INVS: variants seen among roughly 807,000 people sequenced by gnomAD.
The protein encoded by INVS is inversion of embryo turning homolog.
Under a neutral mutation model 108.8 loss-of-function variants are expected in INVS, and 86 were observed. That is an observed-to-expected ratio of 0.79 (90% CI 0.66 to 0.95). INVS has a LOEUF of 0.95. Ranked by LOEUF, INVS falls within the 40% of genes least tolerant of loss-of-function variation. The pLI, the probability that INVS is intolerant of heterozygous loss-of-function variation, is 0.00. For synonymous variants in INVS, 455 were observed against 473.5 expected (o/e 0.96, Z 0.51); for missense variants, 1,169 against 1,297.4 (o/e 0.90, Z 1.52).
chr9:100,227,612 A>G (rs1315139373), intron 4 of INVS, among the ~76,000 whole-genome samples: 7 of 152,052 alleles, frequency 4.6e-5, no homozygotes, highest in Non-Finnish European at 8.8e-5. Flanking sequence ...ATCAAAATGG[A>G]GTTGTTTCTG....
intron 12 of INVS, among the ~76,000 whole-genome samples, chr9:100,275,346 T>C (rs542923534): frequency 1.4e-4 from 22 of 152,360 alleles, no homozygotes; most frequent in South Asian, 1.0e-3. Context: ...TGTGACAATC[T>C]ATTTTCAAAA....
At chr9:100,202,271 A>G (rs1315573412) in intron 3 of INVS, among the ~76,000 whole-genome samples, 1 of 152,146 alleles carries the variant, frequency 6.6e-6, no homozygotes, top group East Asian at 1.9e-4. Context: ...TGCCTAAAAT[A>G]CCTAAATGGC....
At chr9:100,114,779 C>G (rs1358905726) in intron 2 of INVS, among the ~76,000 whole-genome samples, 1 of 152,130 alleles carries the variant, frequency 6.6e-6, no homozygotes, top group East Asian at 1.9e-4. Context: ...TAGTTCATTC[C>G]TTTTTATTAG....
chr9:100,118,137 C>T (rs923390025), intron 2 of INVS, among the ~76,000 whole-genome samples: 19 of 150,928 alleles, frequency 1.3e-4, no homozygotes, highest in East Asian at 1.9e-4. Context: ...CCTGGCCTCA[C>T]GTGATCCTCC....
At chr9:100,267,394 T>C (rs929040057) in intron 11 of INVS, among the ~76,000 whole-genome samples, 3 of 152,258 alleles carry the variant, frequency 2.0e-5, no homozygotes, top group Admixed American at 1.3e-4. Flanking sequence ...ATGTCAGAAC[T>C]TGGCACTGCC....
chr9:100,134,141 C>T (rs1828146720), intron 3 of INVS, among the ~76,000 whole-genome samples: 1 of 152,066 alleles, frequency 6.6e-6, no homozygotes, highest in South Asian at 2.1e-4. Flanking sequence ...ATTCTTAGGC[C>T]TTTGCATCCT....
intron 3 of INVS, among the ~76,000 whole-genome samples, chr9:100,224,155 G>A (rs774302442): frequency 3.9e-5 from 6 of 152,190 alleles, no homozygotes; most frequent in South Asian, 2.1e-4. Flanking sequence ...CAGGTGCCGC[G>A]GTGTGGACAA....
chr9:100,192,158 C>T (rs1830240807), intron 3 of INVS, among the ~76,000 whole-genome samples: 2 of 151,914 alleles, frequency 1.3e-5, no homozygotes, highest in African/African-American at 4.8e-5. Context: ...AACAAAAGTT[C>T]ACAGTATGAC....
intron 3 of INVS, among the ~76,000 whole-genome samples, chr9:100,197,931 C>CAG (rs1320510418): frequency 3.3e-5 from 5 of 151,838 alleles, no homozygotes; most frequent in Admixed American, 1.3e-4. Flanking sequence ...AGCAGAAGGT[C>CAG]AGAGAGAGAG....
At chr9:100,222,717 T>A (rs1831190550) in intron 3 of INVS, among the ~76,000 whole-genome samples, 1 of 152,124 alleles carries the variant, frequency 6.6e-6, no homozygotes. Flanking sequence ...TCTTTAAAGG[T>A]CATGATGAAT....
intron 3 of INVS, among the ~76,000 whole-genome samples, chr9:100,161,094 G>A (rs1017979528): frequency 6.6e-6 from 1 of 151,774 alleles, no homozygotes; most frequent in Non-Finnish European, 1.5e-5. Flanking sequence ...AATTGGCTGG[G>A]CATGGTGTAA....
intron 13 of INVS, among the ~76,000 whole-genome samples, chr9:100,289,372 C>A (rs542674066): frequency 1.3e-5 from 2 of 152,308 alleles, no homozygotes; most frequent in Admixed American, 6.5e-5. Flanking sequence ...AAAGTCAATA[C>A]CCTGGGTTTT....
rs544123834 is a variant in INVS at position 100,140,673 on chromosome 9, C to T, written c.273+14124C>T. On this transcript the variant is annotated intron_variant, in intron 3 of 16. Coordinates refer to ENST00000262457, the MANE Select transcript of INVS (RefSeq NM_014425.5). The stretch of plus-strand genomic sequence containing the variant: ...ACAGCGAAAATTTTGGGGGATGGTA[C>T]GGAGAGATAATGGGCGATGTTTCTT... 1.2e-4 allele frequency among the ~76,000 whole-genome samples: 18 copies of T among 151,914 alleles called. No individual in the cohort carries two copies. The East Asian group carries it at 3.1e-3, about 26-fold the overall frequency.
chr9:100,214,180 C>T lies in INVS; in HGVS notation c.274-11882C>T, dbSNP rs541230929. ...CCCTCAGTATCTTGGACTAAATCAA[C>T]TGTGAATAAGCCCCAGAGGAGAAAG... On this transcript the variant is annotated intron_variant, in intron 3 of 16. Transcript: ENST00000262457. Among the ~76,000 whole-genome samples, 4 of 152,288 alleles carry T rather than the reference C, an allele frequency of 2.6e-5. No homozygotes were observed. In the South Asian group the frequency reaches 8.3e-4, roughly 32 times the overall value.
Position 100,292,871 on chromosome 9 carries a change from C to A in INVS, c.2614C>A (p.Gln872Lys). 2 of 1,614,142 alleles carry A rather than the reference C, an allele frequency of 1.2e-6. No individual in the cohort carries two copies. Among genetic ancestry groups the A allele is most frequent in the Non-Finnish European group, 1.7e-6 (2 of 1,180,022 alleles). ...LETSTLSEDF[Q>K]VSKETDPAPG... is the part of the protein sequence containing the mutation. ...GACATCTACCCTGTCCGAGGACTTT[C>A]AGGTATCTAAGGAGACTGATCCAGC... The change falls in exon 14 of 17, where the codon CAG (glutamine) becomes AAG (lysine). Residue 872 changes from glutamine (Q) to lysine (K), a missense_variant. Transcript: ENST00000262457.
At chr9:100,298,085 C>T (rs755000404) in intron 16 of INVS, 75 bp downstream of exon 16, 113 of 1,610,084 alleles carry the variant, frequency 7.0e-5, no homozygotes, top group Non-Finnish European at 9.5e-5. Context: ...TCCCCAAAGA[C>T]AGAAGACATT....
In INVS at chr9:100,104,765, A is replaced by G. The variant is rs189347174; in HGVS notation, c.106+138A>G. 1.3e-3 allele frequency: 911 copies of G among 715,932 alleles called. 1 individual carries two copies. Among genetic ancestry groups the G allele is most frequent in the Non-Finnish European group, 1.8e-3 (722 of 403,862 alleles). The allele number at this position is 715,932 out of a possible 1,614,324, so 44.3% of individuals were successfully genotyped here. Reference sequence around the variant, plus strand: ...TATTATTTATATTTTCTTCCAACACATGAACAAGAAAGGAATTAAGTCCTA... The same window carrying G: ...TATTATTTATATTTTCTTCCAACACGTGAACAAGAAAGGAATTAAGTCCTA... On this transcript the variant is annotated intron_variant, in intron 2 of 16. Transcript: ENST00000262457.
In INVS at chr9:100,138,809, C is replaced by T. The variant is rs141999490; in HGVS notation, c.273+12260C>T. On this transcript the variant is annotated intron_variant, in intron 3 of 16. Transcript: ENST00000262457. ...GCAACGTCTGCCTCCTGGGTTCAAG[C>T]GATTCTCCTGCCTCAGTCTCCGAAG... is the stretch of plus-strand genomic sequence containing the variant. Among the ~76,000 whole-genome samples, 153 of 148,366 alleles carry T rather than the reference C, an allele frequency of 1.0e-3. 3 individuals are homozygous for T. In the East Asian group the frequency reaches 0.029, roughly 28 times the overall value.
At chr9:100,173,634 C>T (rs566980140) in intron 3 of INVS, among the ~76,000 whole-genome samples, 2 of 152,268 alleles carry the variant, frequency 1.3e-5, no homozygotes, top group South Asian at 4.1e-4. Flanking sequence ...GAGGCTGAGA[C>T]AGGAGAATCG....
Sources: gnomAD v4.1 joint callset for allele counts (sites outside exome capture counted in the v4.1 genomes callset) on GRCh38, gnomAD v4.1.1 for gene constraint, MANE v1.5 for transcripts, NCBI Gene and HGNC (gene_info 2026-07-23, HGNC 2026-07-21) for gene names.